Variants in ARHGEF9 observed in about 807,000 individuals in gnomAD.
ARHGEF9 encodes Cdc42 guanine nucleotide exchange factor 9, also known as rho guanine nucleotide exchange factor 9.
In ARHGEF9, 2 loss-of-function variants were observed where a neutral mutation model predicts 41.3. That is an observed-to-expected ratio of 0.05 (90% CI 0.02 to 0.15). ARHGEF9 has a LOEUF of 0.15. ARHGEF9 is among the 10% of genes least tolerant of loss of function. The probability of loss-of-function intolerance (pLI) is 1.00; values close to 1 mark genes in which losing one functional copy is unlikely to be tolerated. For missense variants in ARHGEF9, 225 were observed against 424.7 expected (o/e 0.53, Z 4.13); for synonymous variants, 160 against 154.4 (o/e 1.04, Z -0.27).
intron 4 of ARHGEF9, among the ~76,000 whole-genome samples, chrX:63,683,388 T>C (rs1419237325): frequency 9.0e-6 from 1 of 111,596 alleles, no homozygotes; most frequent in Non-Finnish European, 1.9e-5. Flanking sequence ...GTGCAAGGAT[T>C]GGAAGAACCA....
chrX:63,757,754 A>T (rs1251111537), intron 1 of ARHGEF9, among the ~76,000 whole-genome samples: 6 of 111,865 alleles, frequency 5.4e-5, no homozygotes, highest in Non-Finnish European at 7.5e-5. Context: ...CTTCTGCCCA[A>T]ATTCTTTCCT....
intron 7 of ARHGEF9, among the ~76,000 whole-genome samples, chrX:63,658,497 C>T (rs1461039095): frequency 9.0e-6 from 1 of 111,635 alleles, no homozygotes; most frequent in Non-Finnish European, 1.9e-5. Flanking sequence ...AGCCAGTTAA[C>T]CTCTCTGAGC....
intron 1 of ARHGEF9, among the ~76,000 whole-genome samples, chrX:63,766,638 C>T (rs1485941087): frequency 8.9e-6 from 1 of 112,122 alleles, no homozygotes; most frequent in East Asian, 2.8e-4. Flanking sequence ...TTTTCATCCT[C>T]TCTGGAATGT....
intron 4 of ARHGEF9, among the ~76,000 whole-genome samples, chrX:63,680,307 A>G (rs1310632486): frequency 8.9e-6 from 1 of 112,289 alleles, no homozygotes; most frequent in Non-Finnish European, 1.9e-5. Flanking sequence ...CAAAACGAGT[A>G]GGAAAAACAG....
chrX:63,751,864 T>A (rs1404817134), intron 1 of ARHGEF9, among the ~76,000 whole-genome samples: 1 of 106,632 alleles, frequency 9.4e-6, no homozygotes, highest in African/African-American at 3.4e-5. Flanking sequence ...ATGAACATAC[T>A]GCCACACACC....
At chrX:63,727,030 A>G (rs1398573532) in intron 1 of ARHGEF9, among the ~76,000 whole-genome samples, 1 of 111,993 alleles carries the variant, frequency 8.9e-6, no homozygotes, top group Non-Finnish European at 1.9e-5. Context: ...TTTATAGAGA[A>G]GTCTCCCCTC....
At chrX:63,660,766 T>A (rs2049164450) in intron 7 of ARHGEF9, among the ~76,000 whole-genome samples, 1 of 112,384 alleles carries the variant, frequency 8.9e-6, no homozygotes, top group Admixed American at 9.4e-5. Context: ...ATGTGCCAGG[T>A]ACTACATCTG....
intron 1 of ARHGEF9, among the ~76,000 whole-genome samples, chrX:63,750,439 C>G (rs1162184168): frequency 3.6e-5 from 4 of 111,464 alleles, no homozygotes; most frequent in African/African-American, 1.3e-4. Context: ...CTTGCTCTTT[C>G]AACTTGTCCA....
At chrX:63,682,174 A>G (rs2050670733) in intron 4 of ARHGEF9, among the ~76,000 whole-genome samples, 2 of 110,278 alleles carry the variant, frequency 1.8e-5, no homozygotes, top group South Asian at 7.5e-4. Flanking sequence ...TAAATAAATA[A>G]AAGAACTAAA....
chrX:63,646,294 A>G (rs1484648722), intron 8 of ARHGEF9, among the ~76,000 whole-genome samples: 1 of 111,997 alleles, frequency 8.9e-6, no homozygotes, highest in Non-Finnish European at 1.9e-5. Context: ...TTAGACATGA[A>G]GTCCTTGCCC....
chrX:63,754,155 G>T, intron 1 of ARHGEF9: 1 of 638,374 alleles, frequency 1.6e-6, no homozygotes, highest in Non-Finnish European at 2.5e-6. Flanking sequence ...CTCCATGAAC[G>T]CCACATAGAT....
At chrX:63,673,722 G>A (rs1237666848) in intron 6 of ARHGEF9, among the ~76,000 whole-genome samples, 1 of 111,345 alleles carries the variant, frequency 9.0e-6, no homozygotes, top group Non-Finnish European at 1.9e-5. Flanking sequence ...TTATCTAAGT[G>A]TGAATCTGTT....
At position 63,637,624 on chromosome X, in the gene ARHGEF9, G is replaced by T. The variant is rs1556299513; in HGVS notation, c.*404C>A. 4.9e-6 allele frequency: 1 copy of T among 202,341 alleles called. No individual in the cohort carries two copies. Among genetic ancestry groups the T allele is most frequent in the East Asian group, 8.9e-5 (1 of 11,202 alleles). 16.7% of individuals were successfully genotyped at this position (202,341 alleles called of 1,213,427 possible). A position where few individuals can be genotyped will look rare whatever the true frequency, so the allele number is the denominator to read the frequency against. ...ATACAAACACATCTATCGTAATAAT[G>T]ACAAGGCAGTGAATCACTCACAGGG... On this transcript the variant is annotated 3_prime_UTR_variant, in exon 10 of 10. Coordinates refer to ENST00000671741, the MANE Select transcript of ARHGEF9 (RefSeq NM_001353921.2).
intron 4 of ARHGEF9, among the ~76,000 whole-genome samples, chrX:63,683,298 G>A (rs782498415): frequency 9.0e-6 from 1 of 111,489 alleles, no homozygotes; most frequent in Admixed American, 9.5e-5. Flanking sequence ...TCAAGAAGGT[G>A]AAAGATCTGT....
At chrX:63,722,471 C>G (rs1275979161) in intron 2 of ARHGEF9, among the ~76,000 whole-genome samples, 5 of 103,732 alleles carry the variant, frequency 4.8e-5, no homozygotes, top group African/African-American at 1.8e-4. Context: ...TTGAGAACCA[C>G]TTGAGCTAGA....
chrX:63,764,281 G>A (rs782412240), intron 1 of ARHGEF9, among the ~76,000 whole-genome samples: 3 of 112,219 alleles, frequency 2.7e-5, no homozygotes, highest in Non-Finnish European at 3.8e-5. Flanking sequence ...CCATCTCATC[G>A]CCATTCTGAC....
chrX:63,753,465 G>A (rs1176408484), intron 1 of ARHGEF9, among the ~76,000 whole-genome samples: 1 of 110,597 alleles, frequency 9.0e-6, no homozygotes, highest in South Asian at 3.9e-4. Context: ...CATTGCAAAC[G>A]AGATTATCCC....
At position 63,636,950 on chromosome X, in the gene ARHGEF9, G is replaced by A; in HGVS notation, c.*1078C>T. On this transcript the variant is annotated 3_prime_UTR_variant, in exon 10 of 10. Transcript: ENST00000671741. Reference sequence around the variant, plus strand: ...TGGGAGCAGGGACAACCAGGACACTGAACTGATTGCTGTAGAGATCACTGC... The same window carrying A: ...TGGGAGCAGGGACAACCAGGACACTAAACTGATTGCTGTAGAGATCACTGC... The A allele has an allele frequency of 3.4e-6, 1 of 297,248 alleles. No individual in the cohort carries two copies. The highest frequency in any genetic ancestry group is 5.9e-6 in the Non-Finnish European group (1 of 170,271). The allele number at this position is 297,248 out of a possible 1,213,427, so 24.5% of individuals were successfully genotyped here.
intron 4 of ARHGEF9, among the ~76,000 whole-genome samples, chrX:63,682,472 G>A (rs782425289): frequency 1.3e-4 from 14 of 108,924 alleles, no homozygotes; most frequent in Admixed American, 9.7e-5. Context: ...CCGACATTGC[G>A]CCACTGCACT....
Sources: allele counts gnomAD v4.1 joint callset (sites outside exome capture counted in the v4.1 genomes callset), GRCh38; gene constraint gnomAD v4.1.1; transcripts MANE v1.5; gene names NCBI Gene and HGNC (gene_info 2026-07-23, HGNC 2026-07-21).